ANKMY1: variants seen among roughly 807,000 people sequenced by gnomAD.
ANKMY1 encodes the protein ankyrin repeat and MYND domain containing 1.
ANKMY1 carries 98 observed loss-of-function variants against 102.0 expected under a neutral mutation model. The ratio of observed to expected loss-of-function variants is 0.96; its 90% confidence interval spans 0.82 to 1.14. ANKMY1 has a LOEUF of 1.14. Among genes scored for constraint, ANKMY1 ranks in the 50% most tolerant of loss-of-function variants. The pLI is 0.00. For synonymous variants in ANKMY1, 582 were observed against 559.9 expected (o/e 1.04, Z -0.56); for missense variants, 1,330 against 1,347.6 (o/e 0.99, Z 0.20).
intron 10 of ANKMY1, among the ~76,000 whole-genome samples, chr2:240,512,340 G>A (rs2080372231): frequency 1.3e-5 from 2 of 152,196 alleles, no homozygotes; most frequent in African/African-American, 4.8e-5. Context: ...TGCCCTCAAG[G>A]GGCTCAACCC....
chr2:240,544,766 G>C (rs1467382454), intron 4 of ANKMY1, among the ~76,000 whole-genome samples: 2 of 152,310 alleles, frequency 1.3e-5, no homozygotes, highest in African/African-American at 2.4e-5. Flanking sequence ...CTGGAAAATC[G>C]GGTCACTCCC....
At chr2:240,558,027 T>C (rs1044008538), upstream of ANKMY1, 9 of 959,560 alleles carry the variant, frequency 9.4e-6, no homozygotes, top group Non-Finnish European at 1.1e-5. Context: ...CCCCGCCCCA[T>C]GCCCGCTGCC....
chr2:240,518,097 G>T (rs895132658), intron 9 of ANKMY1, among the ~76,000 whole-genome samples: 2 of 152,180 alleles, frequency 1.3e-5, no homozygotes, highest in South Asian at 2.1e-4. Flanking sequence ...TGACGAATGG[G>T]GGGGAAGGGT....
At chr2:240,493,925 C>G (rs1026952908) in intron 15 of ANKMY1, among the ~76,000 whole-genome samples, 1 of 152,232 alleles carries the variant, frequency 6.6e-6, no homozygotes, top group South Asian at 2.1e-4. Context: ...TGGGCAATGG[C>G]AATACCAATG....
chr2:240,555,215 G>A, intron 2 of ANKMY1, 160 bp from the exon 3 acceptor site: 1 of 741,044 alleles, frequency 1.3e-6, no homozygotes. Context: ...GAAAACCGAG[G>A]CACAGAGGGT....
At position 240,529,081 on chromosome 2, in the gene ANKMY1, C is replaced by G; in HGVS notation, c.909G>C (p.Glu303Asp). The G allele has an allele frequency of 6.2e-7, 1 of 1,614,136 alleles. No homozygotes were observed. Residue 303 changes from glutamate (E) to aspartate (D), a missense_variant, in exon 5 of 18, where the codon GAG becomes GAC. By Grantham distance (45) the Glu-to-Asp change is conservative (BLOSUM62 2). Coordinates refer to ENST00000401804, the MANE Select transcript of ANKMY1 (RefSeq NM_001282771.3). The surrounding 1 kb of genome is among the most constrained non-coding windows in gnomAD (Gnocchi z 4.2). ...EDGEPWFIINETPLLVKIQKQ... is the reference protein window; with the variant it reads ...EDGEPWFIINDTPLLVKIQKQ... ...TCTGGATTTTGACCAACAAAGGGGT[C>G]TCATTGATTATGAACCATGGTTCTC...
At chr2:240,528,691 C>T (rs1046480697) in intron 5 of ANKMY1, among the ~76,000 whole-genome samples, 1 of 150,188 alleles carries the variant, frequency 6.7e-6, no homozygotes, top group Admixed American at 6.6e-5. Context: ...CCAGCCACAT[C>T]CCCCCACCAG....
intron 13 of ANKMY1, among the ~76,000 whole-genome samples, chr2:240,505,800 GA>G (rs1184999647): frequency 3.9e-5 from 6 of 152,216 alleles, no homozygotes; most frequent in Non-Finnish European, 8.8e-5. Context: ...TCTGGGGTGA[GA>G]ATATACGTGG....
chr2:240,511,092 T>C (rs1263126467), intron 11 of ANKMY1, among the ~76,000 whole-genome samples: 1 of 152,110 alleles, frequency 6.6e-6, no homozygotes, highest in Non-Finnish European at 1.5e-5. Context: ...AGGGATGTTC[T>C]GAAGCAGGGA....
intron 4 of ANKMY1, among the ~76,000 whole-genome samples, chr2:240,537,907 C>G (rs931768299): frequency 6.6e-6 from 1 of 152,232 alleles, no homozygotes; most frequent in Non-Finnish European, 1.5e-5. Flanking sequence ...TGCAACCAAT[C>G]CAGCTGCTTC....
At chr2:240,540,229 T>A (rs1187946901) in intron 4 of ANKMY1, among the ~76,000 whole-genome samples, 1 of 152,214 alleles carries the variant, frequency 6.6e-6, no homozygotes, top group Non-Finnish European at 1.5e-5. Context: ...GTGTTTTCCA[T>A]GTATTGATTT....
At position 240,529,538 on chromosome 2, in the gene ANKMY1, G is replaced by T; in HGVS notation, c.481-29C>A. Reference sequence around the variant, plus strand: ...CCAAGGAAGCGCAATAGACCGAGGAGAGATAACGCGACCCAGCTGCACATG... The same window carrying T: ...CCAAGGAAGCGCAATAGACCGAGGATAGATAACGCGACCCAGCTGCACATG... On this transcript the variant is annotated intron_variant, in intron 4 of 17. Transcript: ENST00000401804. The surrounding 1 kb of genome is among the most constrained non-coding windows in gnomAD (Gnocchi z 4.2). 6.4e-7 allele frequency: 1 copy of T among 1,559,780 alleles called. No homozygotes were observed.
At chr2:240,523,695 C>T (rs1575140494) in intron 8 of ANKMY1, 190 bp downstream of exon 8, 12 of 970,890 alleles carry the variant, frequency 1.2e-5, no homozygotes, top group Middle Eastern at 3.3e-4. Context: ...GAAAACAGCC[C>T]GTCACCGTGG....
the ANKMY1 span, among the ~76,000 whole-genome samples, chr2:240,470,869 C>CA: frequency 5.3e-5 from 8 of 152,278 alleles, no homozygotes; most frequent in East Asian, 1.5e-3. Context: ...CTAAAAACCT[C>CA]ATGTGCTGAA....
intron 4 of ANKMY1, among the ~76,000 whole-genome samples, chr2:240,537,400 A>G (rs2087087920): frequency 6.6e-6 from 1 of 152,224 alleles, no homozygotes; most frequent in Admixed American, 6.5e-5. Context: ...TTCTTGGTAA[A>G]TAACTTAAGA....
intron 4 of ANKMY1, among the ~76,000 whole-genome samples, chr2:240,547,563 T>C (rs568412864): frequency 0.15 from 21,701 of 142,420 alleles, 1,072 homozygotes; most frequent in Middle Eastern, 0.28. Context: ...AAAAAATTAA[T>C]GAATCCAGGA....
intron 4 of ANKMY1, among the ~76,000 whole-genome samples, chr2:240,535,415 G>A (rs769590597): frequency 6.6e-6 from 1 of 152,156 alleles, no homozygotes; most frequent in Non-Finnish European, 1.5e-5. Context: ...TTCAGAGAGA[G>A]AGCAGGTTGT....
At chr2:240,483,803 T>TTAGGTA (rs2151860345) in intron 15 of ANKMY1, among the ~76,000 whole-genome samples, 1 of 152,274 alleles carries the variant, frequency 6.6e-6, no homozygotes, top group East Asian at 1.9e-4. Flanking sequence ...GTCATCTACA[T>TTAGGTA]TAGGTATTTC....
rs201759543 is a variant in ANKMY1, at chr2:240,520,557, G to A, written c.1833-24C>T. 1 of 1,598,360 alleles carries A rather than the reference G, an allele frequency of 6.3e-7. No individual in the cohort carries two copies. Among genetic ancestry groups the A allele is most frequent in the Non-Finnish European group, 8.5e-7 (1 of 1,171,916 alleles). ...GCCTGAAAAAGACGGTGCGCCCGTG[G>A]GCCCCTGGAGGGCAGGCACCTGCAC... On this transcript the variant is annotated intron_variant, in intron 8 of 17. Coordinates refer to ENST00000401804, the MANE Select transcript of ANKMY1 (RefSeq NM_001282771.3). This position sits in a 1 kb window ranked among gnomAD's most constrained non-coding sequence, Gnocchi z 4.8.
Sources: allele counts gnomAD v4.1 joint callset (sites outside exome capture counted in the v4.1 genomes callset), GRCh38; gene constraint gnomAD v4.1.1; non-coding constraint Gnocchi (gnomAD v3.1); transcripts MANE v1.5; gene names NCBI Gene and HGNC (gene_info 2026-07-23, HGNC 2026-07-21).